Variants in ALK observed in about 807,000 individuals in gnomAD.
ALK encodes the protein ALK receptor tyrosine kinase.
A neutral mutation model predicts 163.1 loss-of-function variants in ALK; 74 were observed. The observed-to-expected ratio is 0.45, with a 90% CI of 0.38 to 0.55. ALK has a LOEUF of 0.55. ALK is among the 20% of genes least tolerant of loss of function. ALK has a pLI of 0.00. For missense variants in ALK, 2,063 were observed against 2,105.3 expected (o/e 0.98, Z 0.39); for synonymous variants, 960 against 843.2 (o/e 1.14, Z -2.40).
intron 5 of ALK, among the ~76,000 whole-genome samples, chr2:29,381,499 A>G (rs920703701): frequency 2.0e-5 from 3 of 152,174 alleles, no homozygotes; most frequent in African/African-American, 7.2e-5. Flanking sequence ...CTCCAGATGA[A>G]CTAAAATGGC....
chr2:29,194,280 G>A (rs1003527993), intron 28 of ALK, among the ~76,000 whole-genome samples: 5 of 151,390 alleles, frequency 3.3e-5, no homozygotes, highest in Non-Finnish European at 5.9e-5. Flanking sequence ...CACTAAAATC[G>A]TTCCAACTGG....
intron 1 of ALK, among the ~76,000 whole-genome samples, chr2:29,814,512 T>C (rs1381382377): frequency 6.6e-6 from 1 of 151,716 alleles, no homozygotes; most frequent in Non-Finnish European, 1.5e-5. Flanking sequence ...TACAAAAAAT[T>C]AGCTGGGCGA....
At chr2:29,910,752 T>C (rs1175290936) in intron 1 of ALK, among the ~76,000 whole-genome samples, 1 of 152,170 alleles carries the variant, frequency 6.6e-6, no homozygotes, top group Non-Finnish European at 1.5e-5. Flanking sequence ...AATCTTTTTC[T>C]GAAATGAAAG....
chr2:29,453,525 C>T (rs1402119230), intron 4 of ALK, among the ~76,000 whole-genome samples: 1 of 152,002 alleles, frequency 6.6e-6, no homozygotes, highest in African/African-American at 2.4e-5. Context: ...CATGAGCCAC[C>T]GGACCTGGCC....
chr2:29,800,777 A>C (rs189416771), intron 1 of ALK, among the ~76,000 whole-genome samples: 365 of 152,340 alleles, frequency 2.4e-3, no homozygotes, highest in Non-Finnish European at 4.2e-3. Flanking sequence ...AAACAGGCAG[A>C]GAGGAAGAAC....
intron 4 of ALK, among the ~76,000 whole-genome samples, chr2:29,521,383 T>A (rs1672808506): frequency 6.6e-6 from 1 of 152,120 alleles, no homozygotes; most frequent in African/African-American, 2.4e-5. Context: ...CAATCAGTCA[T>A]TGGAAAGGAG....
intron 2 of ALK, among the ~76,000 whole-genome samples, chr2:29,710,240 T>C (rs1245287453): frequency 1.3e-5 from 2 of 152,116 alleles, no homozygotes; most frequent in African/African-American, 4.8e-5. Context: ...GATTGTGAGG[T>C]CTCTCAAGCC....
intron 3 of ALK, among the ~76,000 whole-genome samples, chr2:29,611,987 G>A (rs1675705764): frequency 6.6e-6 from 1 of 152,176 alleles, no homozygotes; most frequent in African/African-American, 2.4e-5. Context: ...CAGACAAACA[G>A]GTTCTTTCTC....
intron 3 of ALK, among the ~76,000 whole-genome samples, chr2:29,687,920 C>T (rs966403598): frequency 1.3e-5 from 2 of 152,096 alleles, no homozygotes; most frequent in African/African-American, 4.8e-5. Flanking sequence ...TCTAGTTTTT[C>T]ACCATCATAA....
intron 27 of ALK, 88 bp downstream of exon 27, chr2:29,197,454 A>G: frequency 1.3e-6 from 2 of 1,584,924 alleles, no homozygotes; most frequent in East Asian, 2.2e-5. Context: ...CTGCCCCTTC[A>G]TCTTAAAGAA....
At chr2:29,812,909 A>G (rs773150523) in intron 1 of ALK, among the ~76,000 whole-genome samples, 3 of 152,228 alleles carry the variant, frequency 2.0e-5, no homozygotes, top group Admixed American at 6.5e-5. Flanking sequence ...GTTCACACAC[A>G]CATACACATC....
At chr2:29,273,351 A>T (rs1296482121) in intron 11 of ALK, among the ~76,000 whole-genome samples, 1 of 152,198 alleles carries the variant, frequency 6.6e-6, no homozygotes, top group African/African-American at 2.4e-5. Context: ...GGGGTTGAGA[A>T]TGAGGGGTCA....
chr2:29,852,087 T>C (rs914151449), intron 1 of ALK, among the ~76,000 whole-genome samples: 28 of 152,342 alleles, frequency 1.8e-4, no homozygotes, highest in Admixed American at 1.8e-3. Flanking sequence ...GATTTTTCTC[T>C]TCCGTTCCCT....
chr2:29,472,162 T>A (rs1265822634), intron 4 of ALK, among the ~76,000 whole-genome samples: 2 of 152,204 alleles, frequency 1.3e-5, no homozygotes, highest in Non-Finnish European at 2.9e-5. Flanking sequence ...ATGGAGAGAC[T>A]ATATGAGAGG....
At chr2:29,592,077 T>TC (rs1256848735) in intron 3 of ALK, among the ~76,000 whole-genome samples, 1 of 151,990 alleles carries the variant, frequency 6.6e-6, no homozygotes, top group Admixed American at 6.6e-5. Context: ...TGACAGTGCT[T>TC]CCGGAGGGGC....
At chr2:29,660,870 C>T (rs945696581) in intron 3 of ALK, among the ~76,000 whole-genome samples, 2 of 152,194 alleles carry the variant, frequency 1.3e-5, no homozygotes, top group African/African-American at 2.4e-5. Flanking sequence ...CCCAATTCTA[C>T]CTTGAAGTAC....
At chr2:29,562,376 A>G (rs189009674) in intron 3 of ALK, among the ~76,000 whole-genome samples, 4 of 146,778 alleles carry the variant, frequency 2.7e-5, no homozygotes, top group Non-Finnish European at 4.4e-5. Context: ...TCTTTTCTAC[A>G]CTATACATCC....
Position 29,589,477 on chromosome 2 carries a change from A to G in ALK, c.953-57361T>C, listed in dbSNP as rs937066888. On this transcript the variant is annotated intron_variant, in intron 3 of 28. Transcript: ENST00000389048. ...CTGAGTTTGTACAGTGATGAAATCGAGGGCAGAGAGACCAACAAGCTTCCT... is the reference window on the plus strand; with the variant it reads ...CTGAGTTTGTACAGTGATGAAATCGGGGGCAGAGAGACCAACAAGCTTCCT... Among the ~76,000 whole-genome samples, 5 of 152,188 alleles carry G rather than the reference A, an allele frequency of 3.3e-5. No homozygotes were observed. The South Asian group carries it at 1.0e-3, about 32-fold the overall frequency.
At chr2:29,308,080 T>A (rs1666574371) in intron 8 of ALK, among the ~76,000 whole-genome samples, 1 of 141,724 alleles carries the variant, frequency 7.1e-6, no homozygotes, top group Admixed American at 6.9e-5. Flanking sequence ...TCTTTTCCAA[T>A]TTTTTTTTTT....
Sources: gnomAD v4.1 joint callset for allele counts (sites outside exome capture counted in the v4.1 genomes callset) on GRCh38, gnomAD v4.1.1 for gene constraint, MANE v1.5 for transcripts, NCBI Gene and HGNC (gene_info 2026-07-23, HGNC 2026-07-21) for gene names.